Variants in CNTN6 observed in about 807,000 individuals in gnomAD.
CNTN6 encodes contactin-6.
In CNTN6, 137 loss-of-function variants were observed where a neutral mutation model predicts 122.8. The observed-to-expected ratio is 1.12, with a 90% CI of 0.97 to 1.29. The LOEUF (loss-of-function observed/expected upper bound fraction) is 1.29, where lower values mean the gene tolerates loss of function less well. Ranked by LOEUF, CNTN6 falls within the 50% of genes most tolerant of loss-of-function variation. CNTN6 has a pLI of 0.00. For missense variants in CNTN6, 1,634 were observed against 1,223.4 expected (o/e 1.34, Z -5.01); for synonymous variants, 570 against 426.0 (o/e 1.34, Z -4.16).
intron 11 of CNTN6, among the ~76,000 whole-genome samples, chr3:1,342,972 C>T (rs1272977160): frequency 6.6e-6 from 1 of 152,086 alleles, no homozygotes; most frequent in Non-Finnish European, 1.5e-5. Flanking sequence ...TCACCTCCTC[C>T]ACCTCTTTCA....
intron 4 of CNTN6, among the ~76,000 whole-genome samples, chr3:1,255,153 T>C (rs2094732908): frequency 6.6e-6 from 1 of 152,166 alleles, no homozygotes; most frequent in Admixed American, 6.5e-5. Flanking sequence ...TTGAGGCATA[T>C]GCTCAGAACC....
chr3:1,200,412 G>A (rs17493901), intron 2 of CNTN6, among the ~76,000 whole-genome samples: 4,519 of 152,266 alleles, frequency 0.03, 69 homozygotes, highest in Middle Eastern at 0.044. Context: ...CTGTGTAGTT[G>A]AATCTTGGTG....
chr3:1,123,569 C>T (rs1170995406), intron 1 of CNTN6, among the ~76,000 whole-genome samples: 1 of 151,622 alleles, frequency 6.6e-6, no homozygotes, highest in Non-Finnish European at 1.5e-5. Flanking sequence ...TGAATTTGTC[C>T]TTTAGTAGCT....
rs1004988198 is a variant in CNTN6, at chr3:1,385,490, G to A, written c.2518-121G>A. The A allele has an allele frequency of 9.2e-6, 6 of 653,040 alleles. No individual in the cohort carries two copies. In the Admixed American group the frequency reaches 9.6e-5, roughly 10 times the overall value. The allele number at this position is 653,040 out of a possible 1,614,324, so 40.5% of individuals were successfully genotyped here. A position where few individuals can be genotyped will look rare whatever the true frequency, so the allele number is the denominator to read the frequency against. On this transcript the variant is annotated intron_variant, in intron 19 of 22. Transcript: ENST00000446702. ...ACCATTTTAATTAGAAAACGTTTTT[G>A]TCATCTATACTTCTGTCTTCTTCCC... is the stretch of plus-strand genomic sequence containing the variant.
At chr3:1,276,191 A>T (rs761032987) in intron 4 of CNTN6, among the ~76,000 whole-genome samples, 1 of 152,148 alleles carries the variant, frequency 6.6e-6, no homozygotes, top group Non-Finnish European at 1.5e-5. Flanking sequence ...ACCAATGTGT[A>T]TTTTTTTAAA....
intron 7 of CNTN6, among the ~76,000 whole-genome samples, chr3:1,313,888 C>G (rs1030510747): frequency 1.3e-5 from 2 of 151,938 alleles, no homozygotes; most frequent in African/African-American, 4.8e-5. Flanking sequence ...GCTGTGTCCT[C>G]GCATGGTGGA....
intron 4 of CNTN6, among the ~76,000 whole-genome samples, chr3:1,268,341 C>A (rs1005550089): frequency 2.0e-5 from 3 of 152,128 alleles, no homozygotes; most frequent in Non-Finnish European, 2.9e-5. Flanking sequence ...GGCGCGGTGG[C>A]TCACGCTTGT....
intron 1 of CNTN6, among the ~76,000 whole-genome samples, chr3:1,116,197 T>C (rs2125040801): frequency 6.6e-6 from 1 of 152,062 alleles, no homozygotes; most frequent in East Asian, 1.9e-4. Context: ...AGGAGAAGGA[T>C]TAAGGGAAGT....
intron 20 of CNTN6, among the ~76,000 whole-genome samples, chr3:1,396,558 T>C (rs1002914828): frequency 2.6e-5 from 4 of 152,182 alleles, no homozygotes; most frequent in African/African-American, 9.7e-5. Context: ...TAGCGATTTC[T>C]CTGAGAACCA....
intron 1 of CNTN6, among the ~76,000 whole-genome samples, chr3:1,144,576 A>C (rs1158295763): frequency 8.7e-6 from 1 of 114,332 alleles, no homozygotes; most frequent in African/African-American, 3.7e-5. Context: ...ACTCCATCTC[A>C]TTAAAAAATA....
At chr3:1,252,429 A>G (rs2094686222) in intron 4 of CNTN6, among the ~76,000 whole-genome samples, 1 of 152,230 alleles carries the variant, frequency 6.6e-6, no homozygotes, top group Admixed American at 6.5e-5. Context: ...CACCTGAGCC[A>G]GAGACAACCA....
intron 17 of CNTN6, among the ~76,000 whole-genome samples, chr3:1,377,939 A>T (rs1710119877): frequency 6.6e-6 from 1 of 151,982 alleles, no homozygotes; most frequent in Non-Finnish European, 1.5e-5. Context: ...TTTTTAATTT[A>T]TTTTTTATCT....
intron 2 of CNTN6, among the ~76,000 whole-genome samples, chr3:1,169,021 C>T (rs7624608): frequency 0.062 from 9,368 of 151,972 alleles, 932 homozygotes; most frequent in African/African-American, 0.21. Flanking sequence ...GTCACTCATC[C>T]GTGGAGACAA....
Position 1,204,101 on chromosome 3 carries a change from C to T in CNTN6, c.56-16586C>T, listed in dbSNP as rs144525643. Among the ~76,000 whole-genome samples, 1,013 of 152,246 alleles carry T rather than the reference C, an allele frequency of 6.7e-3. 4 individuals are homozygous for T. Among genetic ancestry groups the T allele is most frequent in the Non-Finnish European group, 0.012 (791 of 68,016 alleles). On this transcript the variant is annotated intron_variant, in intron 2 of 22. Coordinates refer to ENST00000446702, the MANE Select transcript of CNTN6 (RefSeq NM_001289080.2). Reference sequence around the variant, plus strand: ...TGACACATTTCGCAGAATGCATTTCCATGGTTAAGCCACTCATGACTGTAT... The same window carrying T: ...TGACACATTTCGCAGAATGCATTTCTATGGTTAAGCCACTCATGACTGTAT...
intron 11 of CNTN6, among the ~76,000 whole-genome samples, chr3:1,343,028 CCTT>C (rs1401113527): frequency 4.6e-5 from 7 of 152,130 alleles, no homozygotes; most frequent in African/African-American, 1.7e-4. Context: ...TCCTCTTCCT[CCTT>C]CTCCTCAGCC....
intron 1 of CNTN6, among the ~76,000 whole-genome samples, chr3:1,112,929 A>AC (rs1210400713): frequency 2.6e-5 from 4 of 152,164 alleles, no homozygotes; most frequent in Non-Finnish European, 5.9e-5. Context: ...AGATGAATGA[A>AC]AGAGGTCCAA....
At chr3:1,164,796 C>G (rs1177479315) in intron 2 of CNTN6, among the ~76,000 whole-genome samples, 1 of 152,118 alleles carries the variant, frequency 6.6e-6, no homozygotes, top group East Asian at 1.9e-4. Flanking sequence ...TTACAGAATC[C>G]CCAAAAGTCA....
At chr3:1,323,404 T>C (rs540242646) in intron 8 of CNTN6, among the ~76,000 whole-genome samples, 22 of 151,848 alleles carry the variant, frequency 1.4e-4, no homozygotes, top group African/African-American at 5.3e-4. Flanking sequence ...GCCATTTAAT[T>C]AGCCTGAAAT....
At position 1,143,490 on chromosome 3, in the gene CNTN6, C is replaced by T. The variant is rs572102598; in HGVS notation, c.-82-4437C>T. 8.2e-4 allele frequency among the ~76,000 whole-genome samples: 125 copies of T among 152,154 alleles called. 1 individual carries two copies. In the Middle Eastern group the frequency reaches 0.014, roughly 17 times the overall value. On this transcript the variant is annotated intron_variant, in intron 1 of 22. Coordinates refer to ENST00000446702, the MANE Select transcript of CNTN6 (RefSeq NM_001289080.2). ...ATTACACCATTTTGCCTCAAGTGACCTGTAGGATTCTAGGAACCTAGAATT... is the reference window on the plus strand; with the variant it reads ...ATTACACCATTTTGCCTCAAGTGACTTGTAGGATTCTAGGAACCTAGAATT...
Sources: allele counts gnomAD v4.1 joint callset (sites outside exome capture counted in the v4.1 genomes callset), GRCh38; gene constraint gnomAD v4.1.1; transcripts MANE v1.5; gene names NCBI Gene and HGNC (gene_info 2026-07-23, HGNC 2026-07-21).